The following LIN52 variants were observed in gnomAD, a reference collection of about 807,000 sequenced individuals.
The protein encoded by LIN52 is lin-52 DREAM MuvB core complex component.
In LIN52, 4 loss-of-function variants were observed where a neutral mutation model predicts 18.5. The ratio of observed to expected loss-of-function variants is 0.22; its 90% CI spans 0.11 to 0.49. The LOEUF (loss-of-function observed/expected upper bound fraction) is 0.49. LIN52 is among the 20% of genes least tolerant of loss of function. The probability of loss-of-function intolerance (pLI) is 0.97; values close to 1 mark genes in which losing one functional copy is unlikely to be tolerated. For synonymous variants in LIN52, 34 were observed against 45.5 expected (o/e 0.75, Z 1.02); for missense variants, 102 against 139.5 (o/e 0.73, Z 1.35).
At chr14:74,195,413 T>C (rs1378116066) in intron 5 of LIN52, among the ~76,000 whole-genome samples, 1 of 152,214 alleles carries the variant, frequency 6.6e-6, no homozygotes, top group East Asian at 1.9e-4. Flanking sequence ...GGCTTTCTCT[T>C]CTCTGTAAGC....
intron 5 of LIN52, among the ~76,000 whole-genome samples, chr14:74,103,517 C>T (rs2060874780): frequency 2.7e-5 from 4 of 150,462 alleles, no homozygotes; most frequent in African/African-American, 9.8e-5. Context: ...ACTGCAACCT[C>T]CACCTCCCAG....
At chr14:74,133,066 CAG>C (rs1250856476) in intron 5 of LIN52, among the ~76,000 whole-genome samples, 2 of 151,392 alleles carry the variant, frequency 1.3e-5, no homozygotes, top group Non-Finnish European at 2.9e-5. Flanking sequence ...CAAAATCTAT[CAG>C]AGCTAATTTG....
chr14:74,116,145 A>C (rs952021814), intron 5 of LIN52, among the ~76,000 whole-genome samples: 1 of 152,072 alleles, frequency 6.6e-6, no homozygotes, highest in Non-Finnish European at 1.5e-5. Flanking sequence ...TCTACTAAAA[A>C]TACAAAAATT....
intron 5 of LIN52, among the ~76,000 whole-genome samples, chr14:74,177,046 C>T (rs1198316116): frequency 3.3e-5 from 5 of 151,644 alleles, no homozygotes; most frequent in South Asian, 2.1e-4. Flanking sequence ...TTGCCCAGGC[C>T]GGAGTGCAAT....
At chr14:74,092,315 G>GT (rs71115955) in intron 2 of LIN52, among the ~76,000 whole-genome samples, 1 of 130,050 alleles carries the variant, frequency 7.7e-6, no homozygotes, top group African/African-American at 3.1e-5. Flanking sequence ...ATATATATAT[G>GT]TTTTTTTTAG....
intron 4 of LIN52, among the ~76,000 whole-genome samples, 198 bp downstream of exon 4, chr14:74,098,058 CAGTCAT>C (rs1226582764): frequency 6.6e-6 from 1 of 152,150 alleles, no homozygotes; most frequent in East Asian, 1.9e-4. Context: ...ATTCAAGACT[CAGTCAT>C]AGTGAATTCT....
At chr14:74,144,889 T>C (rs527932660) in intron 5 of LIN52, among the ~76,000 whole-genome samples, 1 of 152,342 alleles carries the variant, frequency 6.6e-6, no homozygotes, top group African/African-American at 2.4e-5. Context: ...AAACTCAACA[T>C]GTCAGATGAT....
intron 5 of LIN52, among the ~76,000 whole-genome samples, chr14:74,177,376 T>C (rs73307104): frequency 0.015 from 2,262 of 152,292 alleles, 51 homozygotes; most frequent in African/African-American, 0.052. Context: ...TTTTCAGCTT[T>C]TGATGTAAGG....
At chr14:74,151,389 AG>A (rs905973587) in intron 5 of LIN52, among the ~76,000 whole-genome samples, 24 of 152,214 alleles carry the variant, frequency 1.6e-4, no homozygotes, top group Non-Finnish European at 3.2e-4. Context: ...GGATTTGGCC[AG>A]TGTCTTTTTT....
At chr14:74,181,365 A>C (rs2061317956) in intron 5 of LIN52, among the ~76,000 whole-genome samples, 1 of 151,200 alleles carries the variant, frequency 6.6e-6, no homozygotes. Context: ...GTTTGAGCCT[A>C]GGAGGTTGAG....
intron 3 of LIN52, among the ~76,000 whole-genome samples, chr14:74,096,899 G>A (rs1456822894): frequency 1.3e-5 from 2 of 152,116 alleles, no homozygotes; most frequent in East Asian, 1.9e-4. Context: ...GGTGATTCTC[G>A]TGTGCAACTA....
chr14:74,086,169 T>TA (rs2060729823), intron 1 of LIN52, among the ~76,000 whole-genome samples: 1 of 152,172 alleles, frequency 6.6e-6, no homozygotes, highest in Non-Finnish European at 1.5e-5. Flanking sequence ...CCTTTTGCGC[T>TA]AGATTGTAAA....
chr14:74,162,911 G>A (rs939770564), intron 5 of LIN52, among the ~76,000 whole-genome samples: 3 of 151,902 alleles, frequency 2.0e-5, no homozygotes, highest in Admixed American at 2.0e-4. Flanking sequence ...GTGAACTCAG[G>A]GACTGTGCTT....
At chr14:74,113,574 G>A (rs1276684668) in intron 5 of LIN52, among the ~76,000 whole-genome samples, 1 of 152,136 alleles carries the variant, frequency 6.6e-6, no homozygotes, top group African/African-American at 2.4e-5. Context: ...TAATGACTAA[G>A]ACTAGGAAGG....
At chr14:74,124,591 G>T (rs1369818818) in intron 5 of LIN52, among the ~76,000 whole-genome samples, 2 of 151,978 alleles carry the variant, frequency 1.3e-5, no homozygotes, top group Non-Finnish European at 2.9e-5. Context: ...TGGGAGGATT[G>T]CTTGAGCTCA....
intron 5 of LIN52, among the ~76,000 whole-genome samples, chr14:74,185,908 A>C (rs565115630): frequency 1.3e-5 from 2 of 152,270 alleles, no homozygotes; most frequent in African/African-American, 4.8e-5. Flanking sequence ...TAGGCATGTG[A>C]GTAACTCTAA....
chr14:74,109,154 C>T (rs750127912), intron 5 of LIN52, among the ~76,000 whole-genome samples: 1 of 152,164 alleles, frequency 6.6e-6, no homozygotes, highest in Non-Finnish European at 1.5e-5. Context: ...AAAAGACTAT[C>T]CTTTTTCTAT....
At chr14:74,177,002 C>CT (rs879637144) in intron 5 of LIN52, among the ~76,000 whole-genome samples, 288 of 145,510 alleles carry the variant, frequency 2.0e-3, no homozygotes, top group Middle Eastern at 3.6e-3. Flanking sequence ...GTTGTTTCCA[C>CT]TTTTTTTTTT....
intron 5 of LIN52, among the ~76,000 whole-genome samples, chr14:74,140,090 A>G (rs2061121520): frequency 1.3e-5 from 2 of 152,218 alleles, no homozygotes; most frequent in South Asian, 4.1e-4. Context: ...TTCAGCAAAA[A>G]CACAAAAATA....
Sources: gnomAD v4.1 joint callset for allele counts (sites outside exome capture counted in the v4.1 genomes callset) on GRCh38, gnomAD v4.1.1 for gene constraint, MANE v1.5 for transcripts, NCBI Gene and HGNC (gene_info 2026-07-23, HGNC 2026-07-21) for gene names.